LYN: variants seen among roughly 807,000 people sequenced by gnomAD.
LYN encodes tyrosine-protein kinase Lyn.
LYN carries 12 observed loss-of-function variants against 65.0 expected under a neutral mutation model. The ratio of observed to expected loss-of-function variants is 0.18; its 90% CI spans 0.12 to 0.30. LYN has a LOEUF of 0.30. LYN is among the 10% of genes least tolerant of loss of function. The pLI, the probability that LYN is intolerant of heterozygous loss-of-function variation, is 1.00. For synonymous variants in LYN, 222 were observed against 221.2 expected (o/e 1.00, Z -0.03); for missense variants, 380 against 623.2 (o/e 0.61, Z 4.16).
rs747463869 is a variant in LYN, at chr8:55,998,411, T to C, written c.1116T>C (p.Asn372=). 2.5e-6 allele frequency: 4 copies of C among 1,614,054 alleles called. No individual in the cohort carries two copies. Among genetic ancestry groups the C allele is most frequent in the Non-Finnish European group, 3.4e-6 (4 of 1,179,916 alleles). The stretch of plus-strand genomic sequence containing the variant: ...TTCACCGGGACCTGCGAGCAGCTAA[T>C]GTTCTGGTCTCCGAGTCACTCATGT... ...NYIHRDLRAA[N]VLVSESLMCK... The change falls in exon 11 of 13, where the codon AAT becomes AAC. Residue 372 remains asparagine, a synonymous_variant. Transcript: ENST00000519728.
intron 10 of LYN, among the ~76,000 whole-genome samples, chr8:55,976,815 G>C (rs1807768405): frequency 6.6e-6 from 1 of 152,166 alleles, no homozygotes; most frequent in South Asian, 2.1e-4. Flanking sequence ...TAAAGGCACA[G>C]AAAAGGAGTA....
intron 8 of LYN, among the ~76,000 whole-genome samples, chr8:55,958,050 G>C (rs1302162050): frequency 6.6e-6 from 1 of 152,188 alleles, no homozygotes; most frequent in Non-Finnish European, 1.5e-5. Context: ...GGGGTGCCTG[G>C]CGAGGTTGGG....
At chr8:55,947,564 T>A in intron 3 of LYN, 54 bp from the exon 4 acceptor site, 1 of 1,346,960 alleles carries the variant, frequency 7.4e-7, no homozygotes, top group Non-Finnish European at 1.1e-6. Flanking sequence ...TGAGGTTTGT[T>A]AAAACGCTTC....
intron 2 of LYN, among the ~76,000 whole-genome samples, chr8:55,943,569 C>G (rs1806689480): frequency 8.2e-6 from 1 of 121,702 alleles, no homozygotes; most frequent in Non-Finnish European, 1.7e-5. Context: ...GAGCGAGACT[C>G]TGTCTCAAAA....
intron 8 of LYN, among the ~76,000 whole-genome samples, chr8:55,962,939 A>C (rs1045596043): frequency 2.0e-5 from 3 of 152,356 alleles, no homozygotes; most frequent in Non-Finnish European, 4.4e-5. Flanking sequence ...AAGAGGTGCC[A>C]TGCTTTTAGA....
In LYN at chr8:55,998,434, T is replaced by A. The variant is rs1384729059; in HGVS notation, c.1139T>A (p.Met380Lys). The change falls in exon 11 of 13, where the codon ATG becomes AAG. Residue 380 changes from methionine (M) to lysine (K), a missense_variant. Met to Lys is a moderately conservative substitution (Grantham distance 95). Transcript: ENST00000519728. ...AATGTTCTGGTCTCCGAGTCACTCA[T>A]GTGCAAAATTGCAGATTTTGGCCTT... ...AANVLVSESL[M>K]CKIADFGLAR... The A allele has an allele frequency of 2.5e-6, 4 of 1,614,140 alleles. No individual in the cohort carries two copies.
At chr8:55,909,010 TACACAC>T (rs369256669) in intron 1 of LYN, among the ~76,000 whole-genome samples, 524 of 32,122 alleles carry the variant, frequency 0.016, 31 homozygotes, top group African/African-American at 0.042. Context: ...TATATATATA[TACACAC>T]ACACACACAC....
intron 1 of LYN, among the ~76,000 whole-genome samples, chr8:55,935,620 A>G (rs561529066): frequency 2.2e-4 from 34 of 152,224 alleles, no homozygotes; most frequent in African/African-American, 8.2e-4. Context: ...CTAAAAATAC[A>G]AAAATTAGCC....
chr8:55,936,863 G>A (rs16922434), intron 1 of LYN, among the ~76,000 whole-genome samples: 22,617 of 152,114 alleles, frequency 0.15, 1,854 homozygotes, highest in Middle Eastern at 0.29. Flanking sequence ...ACCAAGTTCC[G>A]GTTGTACCTG....
intron 10 of LYN, among the ~76,000 whole-genome samples, chr8:55,979,804 C>T (rs759989796): frequency 1.3e-5 from 2 of 152,220 alleles, no homozygotes; most frequent in Admixed American, 6.5e-5. Flanking sequence ...TGCCAAGCAG[C>T]AGCCTGACAC....
At chr8:55,908,800 GT>G (rs1331869501) in intron 1 of LYN, among the ~76,000 whole-genome samples, 8 of 151,606 alleles carry the variant, frequency 5.3e-5, no homozygotes, top group Non-Finnish European at 1.0e-4. Flanking sequence ...GTGTCCATGT[GT>G]GCAGATTATT....
intron 10 of LYN, among the ~76,000 whole-genome samples, chr8:55,997,543 C>T (rs983223463): frequency 1.1e-4 from 16 of 152,236 alleles, no homozygotes; most frequent in African/African-American, 3.9e-4. Flanking sequence ...TTTACAAGGG[C>T]ACTAATCCCA....
At chr8:55,890,585 A>G (rs1204750233) in intron 1 of LYN, among the ~76,000 whole-genome samples, 3 of 152,230 alleles carry the variant, frequency 2.0e-5, no homozygotes, top group Non-Finnish European at 1.5e-5. Flanking sequence ...TTCTGGGTAT[A>G]TACCCCAAAT....
intron 2 of LYN, among the ~76,000 whole-genome samples, chr8:55,945,882 G>T (rs1563522888): frequency 6.6e-6 from 1 of 152,174 alleles, no homozygotes; most frequent in Non-Finnish European, 1.5e-5. Context: ...GCCTCAGATG[G>T]GCAGTCCCAG....
At chr8:55,887,877 G>A (rs1163906944) in intron 1 of LYN, among the ~76,000 whole-genome samples, 2 of 151,982 alleles carry the variant, frequency 1.3e-5, no homozygotes, top group African/African-American at 4.8e-5. Context: ...CCCGAAATCC[G>A]GGGATTACAG....
chr8:55,961,628 C>A (rs990249304), intron 8 of LYN, among the ~76,000 whole-genome samples: 2 of 152,100 alleles, frequency 1.3e-5, no homozygotes, highest in Non-Finnish European at 2.9e-5. Flanking sequence ...CCTTGGAAAG[C>A]GTTTTTTTTC....
intron 10 of LYN, among the ~76,000 whole-genome samples, chr8:55,981,203 T>G (rs1358622719): frequency 3.9e-5 from 6 of 152,160 alleles, no homozygotes; most frequent in Non-Finnish European, 7.3e-5. Context: ...AACAGGCACC[T>G]TCCCTGACCT....
chr8:55,970,254 T>C (rs905151660), intron 10 of LYN, among the ~76,000 whole-genome samples: 1 of 152,256 alleles, frequency 6.6e-6, no homozygotes, highest in Non-Finnish European at 1.5e-5. Context: ...TCGCTCCTTC[T>C]TGTTGGATGT....
rs141769918 is a variant in LYN at position 55,950,745 on chromosome 8, G to A, written c.448G>A (p.Ala150Thr). 9.5e-5 allele frequency: 153 copies of A among 1,613,902 alleles called. No homozygotes were observed. The highest frequency in any genetic ancestry group is 3.2e-4 in the Admixed American group (19 of 60,026). The change falls in exon 6 of 13, where the codon GCT becomes ACT. Residue 150 changes from alanine (A) to threonine (T), a missense_variant. Physicochemically the swap from Ala to Thr is moderately conservative, Grantham distance 58. Around this residue, in one of 2 missense-constraint regions of LYN, gnomAD observed 157 missense variants for 193.2 expected, o/e 0.81. Coordinates refer to ENST00000519728, the MANE Select transcript of LYN (RefSeq NM_002350.4). Reference sequence around the variant, plus strand: ...GCAGCTTTTGGCACCAGGAAATAGCGCTGGAGCTTTCCTTATTAGAGAAAG... The same window carrying A: ...GCAGCTTTTGGCACCAGGAAATAGCACTGGAGCTTTCCTTATTAGAGAAAG... ...ERQLLAPGNS[A>T]GAFLIRESET...
Sources: allele counts gnomAD v4.1 joint callset (sites outside exome capture counted in the v4.1 genomes callset), GRCh38; gene constraint gnomAD v4.1.1; regional missense constraint gnomAD v4.1.1; transcripts MANE v1.5; gene names NCBI Gene and HGNC (gene_info 2026-07-23, HGNC 2026-07-21).